The following DPCD variants were observed in gnomAD, a reference collection of about 807,000 sequenced individuals.
DPCD encodes deleted in primary ciliary dyskinesia homolog (mouse).
Under a neutral mutation model 26.4 loss-of-function variants are expected in DPCD, and 20 were observed. The ratio of observed to expected loss-of-function variants is 0.76; its 90% CI spans 0.53 to 1.10. The LOEUF (loss-of-function observed/expected upper bound fraction) is 1.10. DPCD is among the 50% of genes least tolerant of loss of function. DPCD has a pLI of 0.00. For synonymous variants in DPCD, 97 were observed against 94.2 expected, an observed-to-expected ratio of 1.03 and a Z score of -0.17; for missense variants, 202 against 253.9, an observed-to-expected ratio of 0.80 and a Z score of 1.39.
Position 101,608,767 on chromosome 10 carries a change from G to A in DPCD, c.405-68G>A, listed in dbSNP as rs1340614786. On this transcript the variant is annotated intron_variant, in intron 4 of 5. Transcript: ENST00000370151. ...AGAACTAGGTAGAAGCTAGGCAGCA[G>A]AGGGCCTGACGCCTGGCTGTTGGGT... 1.3e-5 allele frequency: 14 copies of A among 1,045,806 alleles called. No homozygotes were observed. The African/African-American group carries it at 2.1e-4, about 15-fold the overall frequency. 64.8% of individuals were successfully genotyped at this position (1,045,806 alleles called of 1,614,324 possible). A position where few individuals can be genotyped will look rare whatever the true frequency, so the allele number is the denominator to read the frequency against.
chr10:101,606,920 G>A (rs1347553801), intron 4 of DPCD, among the ~76,000 whole-genome samples: 10 of 152,130 alleles, frequency 6.6e-5, no homozygotes, highest in Admixed American at 4.6e-4. Context: ...GGTTAACCTC[G>A]ACCAATAAAC....
chr10:101,590,992 G>T (rs572937381), intron 1 of DPCD, among the ~76,000 whole-genome samples: 97 of 152,240 alleles, frequency 6.4e-4, no homozygotes, highest in African/African-American at 2.3e-3. Flanking sequence ...ATCTCTAGTT[G>T]GCCCCTTTAC....
intron 4 of DPCD, 41 bp from the exon 5 acceptor site, chr10:101,608,794 A>C: frequency 6.9e-7 from 1 of 1,450,134 alleles, no homozygotes; most frequent in Non-Finnish European, 9.7e-7. Flanking sequence ...CTGTTGGGTC[A>C]CCTTGCCGAG....
chr10:101,609,636 T>TAA lies in DPCD; in HGVS notation c.*167_*168dup, dbSNP rs1208875853. On this transcript the variant is annotated 3_prime_UTR_variant, in exon 6 of 6. Transcript: ENST00000370151. ...GTGAGTCATGGTCATATTTCCTGAG[T>TAA]AAAGTCATTCTGAGTTACTTACTGC... The TAA allele has an allele frequency of 6.5e-6, 4 of 619,380 alleles. No individual in the cohort carries two copies. Among genetic ancestry groups the TAA allele is most frequent in the Non-Finnish European group, 1.1e-5 (4 of 353,958 alleles). 38.4% of individuals were successfully genotyped at this position (619,380 alleles called of 1,614,324 possible).
Position 101,588,400 on chromosome 10 carries a change from G to T in DPCD, c.64G>T (p.Gly22Trp). Residue 22 changes from glycine (G) to tryptophan (W), a missense_variant and splice_region_variant, in exon 1 of 6, where the codon GGG (glycine) becomes TGG (tryptophan). Gly to Trp is a radical substitution (Grantham distance 184). This residue lies in a region of DPCD where 47 missense variants were observed against 32.8 expected (regional missense o/e 1.43). Coordinates refer to ENST00000370151, the MANE Select transcript of DPCD (RefSeq NM_015448.3). ...TAQKTALLQDGRRKVHYLFPD... is the reference protein window; with the variant it reads ...TAQKTALLQDWRRKVHYLFPD... ...CCAGAAGACTGCGCTGCTGCAGGAC[G>T]GTAACTCGAGGGTCCCCACGGGCTC... 1 of 1,590,178 alleles carries T rather than the reference G, an allele frequency of 6.3e-7. No individual in the cohort carries two copies.
chr10:101,593,616 T>A (rs2063628699), intron 1 of DPCD, among the ~76,000 whole-genome samples: 1 of 151,756 alleles, frequency 6.6e-6, no homozygotes, highest in Non-Finnish European at 1.5e-5. Context: ...TTAGACAGAG[T>A]CTCACTCTGT....
chr10:101,599,651 G>A (rs544528279), intron 2 of DPCD, among the ~76,000 whole-genome samples: 2 of 152,306 alleles, frequency 1.3e-5, no homozygotes, highest in South Asian at 4.1e-4. Flanking sequence ...AAGTAAAACC[G>A]CCGGCTGCCT....
rs757862345 is a variant in DPCD at position 101,588,457 on chromosome 10, C to T, written c.64+57C>T. ...TTTTTTCCCTCAGGGTCCGGCCCTC[C>T]GGGAAGGGCCTCAGGGCCTGGGTCG... On this transcript the variant is annotated intron_variant, in intron 1 of 5. Coordinates refer to ENST00000370151, the MANE Select transcript of DPCD (RefSeq NM_015448.3). 4.5e-6 allele frequency: 7 copies of T among 1,549,372 alleles called. No individual in the cohort carries two copies. In the South Asian group the frequency reaches 7.1e-5, roughly 16 times the overall value.
chr10:101,606,080 T>C (rs2063731225), intron 4 of DPCD, among the ~76,000 whole-genome samples: 1 of 152,226 alleles, frequency 6.6e-6, no homozygotes, highest in Non-Finnish European at 1.5e-5. Context: ...GAGCGGGGCA[T>C]CTGCAGGAAG....
intron 2 of DPCD, among the ~76,000 whole-genome samples, chr10:101,597,527 C>A (rs913196217): frequency 5.9e-5 from 9 of 152,156 alleles, no homozygotes; most frequent in African/African-American, 2.2e-4. Flanking sequence ...AAAGATGGGG[C>A]CTCCTTTCAG....
At chr10:101,594,594 T>G (rs1392574895) in intron 1 of DPCD, 64 bp from the exon 2 acceptor site, 3 of 1,554,918 alleles carry the variant, frequency 1.9e-6, no homozygotes, top group Non-Finnish European at 2.7e-6. Flanking sequence ...GGTAGGCCCC[T>G]TGATCTGCAA....
chr10:101,607,203 A>G (rs2063738458), intron 4 of DPCD, among the ~76,000 whole-genome samples: 3 of 152,222 alleles, frequency 2.0e-5, no homozygotes, highest in Admixed American at 2.0e-4. Flanking sequence ...ACTTCCTAAC[A>G]AGTCTTTGTG....
At chr10:101,598,175 A>G (rs1036479629) in intron 2 of DPCD, among the ~76,000 whole-genome samples, 7 of 152,136 alleles carry the variant, frequency 4.6e-5, no homozygotes, top group Non-Finnish European at 4.4e-5. Flanking sequence ...TCGTCCCTCC[A>G]GGCCACCTTG....
At chr10:101,590,925 G>A (rs1422525319) in intron 1 of DPCD, among the ~76,000 whole-genome samples, 1 of 152,082 alleles carries the variant, frequency 6.6e-6, no homozygotes, top group Non-Finnish European at 1.5e-5. Flanking sequence ...ACGCTTCAAG[G>A]TTCATCCATG....
intron 2 of DPCD, among the ~76,000 whole-genome samples, chr10:101,596,242 G>C (rs1230963569): frequency 6.6e-6 from 1 of 151,852 alleles, no homozygotes; most frequent in Non-Finnish European, 1.5e-5. Flanking sequence ...AAATGGAGAA[G>C]ACTGTTCACA....
chr10:101,609,233 CA>C, intron 5 of DPCD, 133 bp from the exon 6 acceptor site: 1 of 831,412 alleles, frequency 1.2e-6, no homozygotes, highest in Non-Finnish European at 1.9e-6. Flanking sequence ...TGACCTTGAG[CA>C]AATCATTCAA....
intron 1 of DPCD, among the ~76,000 whole-genome samples, chr10:101,589,902 A>G (rs2063578116): frequency 6.6e-6 from 1 of 152,028 alleles, no homozygotes; most frequent in Non-Finnish European, 1.5e-5. Context: ...AAAAAAATAA[A>G]TAAGCCGTGC....
chr10:101,600,244 AT>A lies in DPCD; in HGVS notation c.146-491del, dbSNP rs1303829453. ...AGCAAGGTATACCTGAAAAGAGTGAATTTCTATATTTGGACTTTCTGAATCA... is the reference window on the plus strand; with the variant it reads ...AGCAAGGTATACCTGAAAAGAGTGAATTCTATATTTGGACTTTCTGAATCA... On this transcript the variant is annotated intron_variant, in intron 2 of 5. Coordinates refer to ENST00000370151, the MANE Select transcript of DPCD (RefSeq NM_015448.3). This position sits in a 1 kb window ranked among gnomAD's most constrained non-coding sequence, Gnocchi z 4.7. 6.6e-6 allele frequency among the ~76,000 whole-genome samples: 1 copy of A among 151,822 alleles called. No individual in the cohort carries two copies. The highest frequency in any genetic ancestry group is 1.5e-5 in the Non-Finnish European group (1 of 67,982).
At chr10:101,592,091 A>G (rs187824501) in intron 1 of DPCD, among the ~76,000 whole-genome samples, 10 of 151,916 alleles carry the variant, frequency 6.6e-5, no homozygotes, top group Admixed American at 6.5e-5. Context: ...ATTTATATAT[A>G]CATTTATTTC....
Sources: allele counts gnomAD v4.1 joint callset (sites outside exome capture counted in the v4.1 genomes callset), GRCh38; gene constraint gnomAD v4.1.1; regional missense constraint gnomAD v4.1.1; non-coding constraint Gnocchi (gnomAD v3.1); transcripts MANE v1.5; gene names NCBI Gene and HGNC (gene_info 2026-07-23, HGNC 2026-07-21).